ARK2N: variants seen among roughly 807,000 people sequenced by gnomAD.
ARK2N encodes protein ARK2N.
At chr18:46,244,601 A>AC in the ARK2N span, among the ~76,000 whole-genome samples, 1 of 93,840 alleles carries the variant, frequency 1.1e-5, no homozygotes, top group Non-Finnish European at 2.0e-5. Flanking sequence ...AAGAGTTTAG[A>AC]TTTTTTTTTT....
chr18:46,216,793 G>A, the ARK2N span: 1 of 541,946 alleles, frequency 1.8e-6, no homozygotes, highest in East Asian at 3.0e-5. This position sits in a 1 kb window ranked among gnomAD's most constrained non-coding sequence, Gnocchi z 4.3. Flanking sequence ...AGCACATCAG[G>A]AAAAACAAAA....
chr18:46,258,799 A>G, the ARK2N span, among the ~76,000 whole-genome samples: 1 of 152,196 alleles, frequency 6.6e-6, no homozygotes, highest in African/African-American at 2.4e-5. Context: ...ATAATACATG[A>G]AACTATTTTT....
At chr18:46,218,871 C>T in the ARK2N span, 1 of 152,108 alleles carries the variant, frequency 6.6e-6, no homozygotes, top group Non-Finnish European at 1.5e-5. Flanking sequence ...TCTTGGATGT[C>T]GGAATGTTAA....
At chr18:46,246,759 A>G in the ARK2N span, among the ~76,000 whole-genome samples, 18 of 141,280 alleles carry the variant, frequency 1.3e-4, no homozygotes, top group Non-Finnish European at 2.3e-4. Flanking sequence ...CCTTACCAAC[A>G]TGGCCAAACC....
chr18:46,214,946 A>G, the ARK2N span, among the ~76,000 whole-genome samples: 1 of 152,204 alleles, frequency 6.6e-6, no homozygotes, highest in East Asian at 1.9e-4. Context: ...GACTGCAGAC[A>G]AGTTGGATGC....
the ARK2N span, among the ~76,000 whole-genome samples, chr18:46,192,624 T>G: frequency 2.0e-5 from 3 of 149,458 alleles, no homozygotes; most frequent in Admixed American, 2.0e-4. Flanking sequence ...CACGCCGGAG[T>G]GATGTGATCT....
the ARK2N span, chr18:46,263,118 A>G: frequency 6.2e-7 from 1 of 1,602,672 alleles, no homozygotes; most frequent in Non-Finnish European, 8.5e-7. Context: ...ACCTACTGTA[A>G]TACAATGTCA....
the ARK2N span, among the ~76,000 whole-genome samples, chr18:46,246,582 T>A: frequency 1.3e-5 from 2 of 148,504 alleles, no homozygotes; most frequent in Non-Finnish European, 3.0e-5. Context: ...AGTCTGTATT[T>A]AGCACCCCCA....
the ARK2N span, among the ~76,000 whole-genome samples, chr18:46,206,873 C>T: frequency 6.6e-6 from 1 of 151,880 alleles, no homozygotes; most frequent in Non-Finnish European, 1.5e-5. Context: ...ACCTCCCAGG[C>T]TCAAGCCATC....
chr18:46,226,187 G>T, the ARK2N span, among the ~76,000 whole-genome samples: 1 of 152,144 alleles, frequency 6.6e-6, no homozygotes, highest in Non-Finnish European at 1.5e-5. Flanking sequence ...CTTGTATGCA[G>T]GAAGAACACA....
chr18:46,183,183 G>A, the ARK2N span, among the ~76,000 whole-genome samples: 2 of 152,106 alleles, frequency 1.3e-5, no homozygotes, highest in Admixed American at 1.3e-4. Flanking sequence ...TAAGGTCTCT[G>A]CATTGTTTTG....
the ARK2N span, among the ~76,000 whole-genome samples, chr18:46,259,155 A>G: frequency 2.0e-5 from 3 of 152,310 alleles, no homozygotes; most frequent in East Asian, 5.8e-4. Flanking sequence ...ACAGATAACT[A>G]ATAACGTACC....
At chr18:46,204,136 T>A in the ARK2N span, among the ~76,000 whole-genome samples, 1 of 151,930 alleles carries the variant, frequency 6.6e-6, no homozygotes, top group Non-Finnish European at 1.5e-5. Context: ...ATTACAGAAT[T>A]TTTAGTATCA....
the ARK2N span, among the ~76,000 whole-genome samples, chr18:46,199,369 C>T: frequency 1.3e-5 from 2 of 151,758 alleles, no homozygotes; most frequent in Non-Finnish European, 2.9e-5. Context: ...GGCTGGAGTG[C>T]AGTGGAGTGA....
At chr18:46,210,872 C>G in the ARK2N span, among the ~76,000 whole-genome samples, 782 of 151,610 alleles carry the variant, frequency 5.2e-3, 13 homozygotes, top group African/African-American at 0.018. Context: ...GATGGCGCCC[C>G]TGCATTCCAG....
At chr18:46,222,539 G>A in the ARK2N span, among the ~76,000 whole-genome samples, 2 of 152,148 alleles carry the variant, frequency 1.3e-5, no homozygotes, top group African/African-American at 4.8e-5. Context: ...TCATGTTGAA[G>A]CACCAAGATA....
chr18:46,262,767 G>C, the ARK2N span, among the ~76,000 whole-genome samples: 1 of 152,128 alleles, frequency 6.6e-6, no homozygotes, highest in Non-Finnish European at 1.5e-5. Context: ...TAGGGAGAGA[G>C]GGAGACAGAG....
chr18:46,239,768 T>C, the ARK2N span, among the ~76,000 whole-genome samples: 1 of 152,208 alleles, frequency 6.6e-6, no homozygotes, highest in Non-Finnish European at 1.5e-5. Flanking sequence ...TAGTCTTGTC[T>C]TCTGTTCTTC....
chr18:46,214,027 G>A, the ARK2N span, among the ~76,000 whole-genome samples: 1 of 152,084 alleles, frequency 6.6e-6, no homozygotes, highest in African/African-American at 2.4e-5. Flanking sequence ...AGATGTTTCA[G>A]TGGCCATGAA....
Sources: gnomAD v4.1 joint callset for allele counts (sites outside exome capture counted in the v4.1 genomes callset) on GRCh38, gnomAD v4.1.1 for gene constraint, Gnocchi (gnomAD v3.1) non-coding constraint, MANE v1.5 for transcripts, NCBI Gene and HGNC (gene_info 2026-07-23, HGNC 2026-07-21) for gene names.